The following ARHGAP26 variants were observed in gnomAD, a reference collection of about 807,000 sequenced individuals.
ARHGAP26 encodes the protein Rho GTPase activating protein 26, also known as rho GTPase-activating protein 26.
Under a neutral mutation model 104.8 loss-of-function variants are expected in ARHGAP26, and 38 were observed. The ratio of observed to expected loss-of-function variants is 0.36; its 90% CI spans 0.28 to 0.48. The LOEUF is 0.48. ARHGAP26 is among the 20% of genes least tolerant of loss of function. The pLI is 0.99. For synonymous variants in ARHGAP26, 341 were observed against 340.0 expected, an observed-to-expected ratio of 1.00 and a Z score of -0.03; for missense variants, 704 against 947.9, an observed-to-expected ratio of 0.74 and a Z score of 3.38.
chr5:143,090,218 T>C (rs1791210312), intron 17 of ARHGAP26, among the ~76,000 whole-genome samples: 1 of 152,250 alleles, frequency 6.6e-6, no homozygotes, highest in African/African-American at 2.4e-5. Flanking sequence ...TACTCCAGGC[T>C]GTAGAATCCT....
chr5:143,193,294 C>T (rs1244382444), intron 20 of ARHGAP26, among the ~76,000 whole-genome samples: 2 of 130,918 alleles, frequency 1.5e-5, no homozygotes, highest in East Asian at 4.5e-4. Flanking sequence ...GTCACCCAGG[C>T]TGGAGTGCAG....
chr5:142,905,670 A>G (rs1395121696), intron 8 of ARHGAP26, among the ~76,000 whole-genome samples: 1 of 152,196 alleles, frequency 6.6e-6, no homozygotes, highest in Non-Finnish European at 1.5e-5. Context: ...AGTATTTTCT[A>G]AGAATAAAAG....
chr5:142,975,758 T>C (rs748331686), intron 11 of ARHGAP26, among the ~76,000 whole-genome samples: 6 of 152,348 alleles, frequency 3.9e-5, no homozygotes, highest in Non-Finnish European at 8.8e-5. Flanking sequence ...TAAAGGATTT[T>C]ATAGGATAAA....
At position 143,029,571 on chromosome 5, in the gene ARHGAP26, A is replaced by T. The variant is rs191436298; in HGVS notation, c.1145-7625A>T. Among the ~76,000 whole-genome samples the T allele has an allele frequency of 2.0e-3, 306 of 150,634 alleles. 5 individuals carry two copies. In the East Asian group the frequency reaches 0.042, roughly 20 times the overall value. The stretch of plus-strand genomic sequence containing the variant: ...AGGTTCACACCACCATGCCCAGCAA[A>T]TTTTTTTTTAACCTTTTTGTAGAGA... On this transcript the variant is annotated intron_variant, in intron 12 of 22. Transcript: ENST00000645722.
intron 1 of ARHGAP26, among the ~76,000 whole-genome samples, chr5:142,843,898 G>A (rs1771333871): frequency 6.6e-6 from 1 of 152,270 alleles, no homozygotes; most frequent in Non-Finnish European, 1.5e-5. Flanking sequence ...TCTGCCATTT[G>A]TTAGTTATGG....
chr5:143,092,158 GT>G (rs896970979), intron 17 of ARHGAP26, among the ~76,000 whole-genome samples: 4 of 117,494 alleles, frequency 3.4e-5, no homozygotes, highest in Admixed American at 1.1e-4. Context: ...ACATCCCTTT[GT>G]TTTTTTTTTT....
intron 17 of ARHGAP26, among the ~76,000 whole-genome samples, chr5:143,098,088 A>AT (rs1193111219): frequency 1.3e-5 from 2 of 152,136 alleles, no homozygotes; most frequent in Non-Finnish European, 2.9e-5. Context: ...CGCTGCCTCA[A>AT]TTTTGTTCTA....
chr5:143,225,100 T>G lies in ARHGAP26; in HGVS notation c.*2654T>G, dbSNP rs1162802027. ...AAGAAGACCTTGGGAAATGGAGGCC[T>G]CAGGGGATGTGCATTCACATACTAT... On this transcript the variant is annotated 3_prime_UTR_variant, in exon 23 of 23. Transcript: ENST00000645722. 1 of 223,910 alleles carries G rather than the reference T, an allele frequency of 4.5e-6. No individual in the cohort carries two copies. The highest frequency in any genetic ancestry group is 8.9e-6 in the Non-Finnish European group (1 of 112,240). 13.9% of individuals were successfully genotyped at this position (223,910 alleles called of 1,614,324 possible).
chr5:143,072,770 G>C (rs1324720136), intron 17 of ARHGAP26, among the ~76,000 whole-genome samples: 1 of 152,198 alleles, frequency 6.6e-6, no homozygotes, highest in African/African-American at 2.4e-5. Context: ...AGACTGGTAA[G>C]AGTAGGGGAA....
chr5:142,961,759 T>C (rs1159445647), intron 11 of ARHGAP26, among the ~76,000 whole-genome samples: 2 of 152,228 alleles, frequency 1.3e-5, no homozygotes, highest in East Asian at 1.9e-4. Flanking sequence ...GTTGAAAATA[T>C]TCAACTTTTA....
intron 11 of ARHGAP26, among the ~76,000 whole-genome samples, chr5:142,974,487 T>C (rs528834179): frequency 6.6e-6 from 1 of 152,336 alleles, no homozygotes; most frequent in East Asian, 1.9e-4. Flanking sequence ...TGAATTCATA[T>C]ACAAATATTG....
chr5:142,872,265 A>G (rs1326162999), intron 1 of ARHGAP26, among the ~76,000 whole-genome samples: 1 of 152,204 alleles, frequency 6.6e-6, no homozygotes, highest in African/African-American at 2.4e-5. Context: ...GGAGCTAAGA[A>G]AAAGTACTGG....
chr5:142,823,213 G>T (rs1029930181), intron 1 of ARHGAP26, among the ~76,000 whole-genome samples: 2 of 152,162 alleles, frequency 1.3e-5, no homozygotes, highest in African/African-American at 4.8e-5. Flanking sequence ...GGAAGCTCGT[G>T]CTAAACACAT....
At chr5:142,992,366 T>C (rs1376363600) in intron 11 of ARHGAP26, among the ~76,000 whole-genome samples, 1 of 152,136 alleles carries the variant, frequency 6.6e-6, no homozygotes, top group Admixed American at 6.5e-5. Context: ...ATTTCACAAC[T>C]GATTCGAAAG....
In ARHGAP26 at chr5:143,082,826, G is replaced by A. The variant is rs562190457; in HGVS notation, c.1538+25079G>A. On this transcript the variant is annotated intron_variant, in intron 17 of 22. Coordinates refer to ENST00000645722, the MANE Select transcript of ARHGAP26 (RefSeq NM_001135608.3). The stretch of plus-strand genomic sequence containing the variant: ...GATTATTCATTTTCAAATCACAAAA[G>A]CCTAACTGATGTTTTCCCATGGCTT... Among the ~76,000 whole-genome samples the A allele has an allele frequency of 2.6e-5, 4 of 152,252 alleles. No homozygotes were observed. The East Asian group carries it at 7.7e-4, about 29-fold the overall frequency.
Position 142,875,579 on chromosome 5 carries a change from C to A in ARHGAP26, c.312+408C>A, listed in dbSNP as rs1297904274. ...TTGAGGGCAGGATCACTTCCCTCTT[C>A]ATTTTTAAGCACCCAACACAGTGCC... On this transcript the variant is annotated intron_variant, in intron 3 of 22. Coordinates refer to ENST00000645722, the MANE Select transcript of ARHGAP26 (RefSeq NM_001135608.3). Among the ~76,000 whole-genome samples, 3 of 152,142 alleles carry A rather than the reference C, an allele frequency of 2.0e-5. No individual in the cohort carries two copies. In the East Asian group the frequency reaches 5.8e-4, roughly 29 times the overall value.
Position 143,133,921 on chromosome 5 carries a change from C to G in ARHGAP26, c.1699-46C>G, listed in dbSNP as rs563666103. ...GTACTGCTTCAGGCCTGTTTTCTTCCCAGTCCACAGATGTGAGTAACCTTG... is the reference window on the plus strand; with the variant it reads ...GTACTGCTTCAGGCCTGTTTTCTTCGCAGTCCACAGATGTGAGTAACCTTG... On this transcript the variant is annotated intron_variant, in intron 18 of 22. Coordinates refer to ENST00000645722, the MANE Select transcript of ARHGAP26 (RefSeq NM_001135608.3). 4 of 1,548,756 alleles carry G rather than the reference C, an allele frequency of 2.6e-6. No homozygotes were observed. The African/African-American group carries it at 5.4e-5, about 21-fold the overall frequency.
intron 1 of ARHGAP26, among the ~76,000 whole-genome samples, chr5:142,796,054 CTGTGTG>C (rs71890315): frequency 0.076 from 10,941 of 144,106 alleles, 564 homozygotes; most frequent in East Asian, 0.23. Context: ...AGGTGTTTTT[CTGTGTG>C]TGTGTGTGTG....
At chr5:143,001,632 T>C (rs925621735) in intron 11 of ARHGAP26, among the ~76,000 whole-genome samples, 2 of 152,380 alleles carry the variant, frequency 1.3e-5, no homozygotes, top group East Asian at 3.9e-4. Flanking sequence ...TAAGTCACAC[T>C]ATTCCTGGAG....
Sources: gnomAD v4.1 joint callset for allele counts (sites outside exome capture counted in the v4.1 genomes callset) on GRCh38, gnomAD v4.1.1 for gene constraint, MANE v1.5 for transcripts, NCBI Gene and HGNC (gene_info 2026-07-23, HGNC 2026-07-21) for gene names.